The following PWWP2B variants were observed in gnomAD, a reference collection of about 807,000 sequenced individuals.
The protein encoded by PWWP2B is PWWP domain containing 2B.
In PWWP2B, 9 loss-of-function variants were observed where a neutral mutation model predicts 15.5. That is an observed-to-expected ratio of 0.58 (90% CI 0.35 to 1.02). The LOEUF is 1.02. PWWP2B is among the 50% of genes least tolerant of loss of function. The probability of loss-of-function intolerance (pLI) is 0.02; values close to 1 mark genes in which losing one functional copy is unlikely to be tolerated. For missense variants in PWWP2B, 864 were observed against 865.3 expected, an observed-to-expected ratio of 1.00 and a Z score of 0.02; for synonymous variants, 474 against 403.6, an observed-to-expected ratio of 1.17 and a Z score of -2.09.
In PWWP2B at chr10:132,414,104, C is replaced by T. The variant is rs147209858; in HGVS notation, c.*17-2957C>T. On this transcript the variant is annotated intron_variant, in intron 2 of 2. Coordinates refer to ENST00000305233, the MANE Select transcript of PWWP2B (RefSeq NM_138499.4). ...AGAAAGGTAGGAGAGACGTGAGGAG[C>T]GGCCAGTGCTGCTCCAGCCTTGGAG... 7.4e-4 allele frequency among the ~76,000 whole-genome samples: 112 copies of T among 152,316 alleles called. 1 individual carries two copies. Among genetic ancestry groups the T allele is most frequent in the African/African-American group, 2.5e-3 (104 of 41,574 alleles).
At chr10:132,404,034 A>C (rs12778972) in intron 1 of PWWP2B, among the ~76,000 whole-genome samples, 2 of 58,636 alleles carry the variant, frequency 3.4e-5, no homozygotes, top group Non-Finnish European at 6.9e-5. Context: ...GGCATTCTCC[A>C]GGGCTCCTGC....
rs371896061 is a variant in PWWP2B at position 132,403,951 on chromosome 10, C to T, written c.126-675C>T. Among the ~76,000 whole-genome samples the T allele has an allele frequency of 1.6e-3, 240 of 151,308 alleles. 2 individuals carry two copies. Among genetic ancestry groups the T allele is most frequent in the African/African-American group, 5.6e-3 (230 of 41,256 alleles). On this transcript the variant is annotated intron_variant, in intron 1 of 2. Transcript: ENST00000305233. ...GCTCAGCCCCGGGCCACGCGCAGCC[C>T]CACCCCAGACACACGTCATGCACCT...
intron 2 of PWWP2B, among the ~76,000 whole-genome samples, chr10:132,415,754 A>C (rs1360963319): frequency 6.6e-6 from 1 of 151,522 alleles, no homozygotes; most frequent in Non-Finnish European, 1.5e-5. Flanking sequence ...CACACACACA[A>C]TGTTTGGCTA....
At chr10:132,406,400 C>A in intron 2 of PWWP2B, 111 bp downstream of exon 2, 1 of 956,092 alleles carries the variant, frequency 1.0e-6, no homozygotes, top group East Asian at 2.7e-5. Context: ...CGCCTGTGCC[C>A]CTCAGCTGGC....
chr10:132,402,972 G>A (rs1390185960), intron 1 of PWWP2B, among the ~76,000 whole-genome samples: 1 of 152,242 alleles, frequency 6.6e-6, no homozygotes, highest in Non-Finnish European at 1.5e-5. Context: ...GCACCTGGCT[G>A]GGACTGGTGA....
intron 2 of PWWP2B, among the ~76,000 whole-genome samples, chr10:132,415,383 ACT>A (rs369275977): frequency 0.014 from 1,976 of 145,114 alleles, 55 homozygotes; most frequent in African/African-American, 0.049. Flanking sequence ...CGTCACTCAC[ACT>A]CATTTACTCA....
chr10:132,415,664 C>T (rs1450849423), intron 2 of PWWP2B, among the ~76,000 whole-genome samples: 1 of 147,398 alleles, frequency 6.8e-6, no homozygotes, highest in South Asian at 2.1e-4. Flanking sequence ...CATGCACTCA[C>T]ACACTCACAC....
At chr10:132,414,298 T>C (rs2069817149) in intron 2 of PWWP2B, among the ~76,000 whole-genome samples, 1 of 152,236 alleles carries the variant, frequency 6.6e-6, no homozygotes. Context: ...ATGCTGTTGT[T>C]GATGGAGAAG....
At chr10:132,399,686 C>T (rs934821710) in intron 1 of PWWP2B, among the ~76,000 whole-genome samples, 2 of 152,240 alleles carry the variant, frequency 1.3e-5, no homozygotes, top group Non-Finnish European at 1.5e-5. Context: ...CAGTGATCTT[C>T]CCCCAGTCTG....
At chr10:132,402,550 C>T (rs1339826600) in intron 1 of PWWP2B, among the ~76,000 whole-genome samples, 2 of 152,258 alleles carry the variant, frequency 1.3e-5, no homozygotes, top group African/African-American at 4.8e-5. Context: ...TGCACATGGA[C>T]GTGCTTCTGT....
rs559741101 is a variant in PWWP2B, at chr10:132,412,408, G to A, written c.*17-4653G>A. The stretch of plus-strand genomic sequence containing the variant: ...ACAGGGCATGTGCCCCATGTCAGAG[G>A]ATTGGGAGTGGAGGGTGGGACTTCC... On this transcript the variant is annotated intron_variant, in intron 2 of 2. Coordinates refer to ENST00000305233, the MANE Select transcript of PWWP2B (RefSeq NM_138499.4). Among the ~76,000 whole-genome samples, 17 of 152,348 alleles carry A rather than the reference G, an allele frequency of 1.1e-4. No homozygotes were observed. The East Asian group carries it at 3.3e-3, about 29-fold the overall frequency.
chr10:132,413,357 C>T (rs1023585163), intron 2 of PWWP2B, among the ~76,000 whole-genome samples: 8 of 152,016 alleles, frequency 5.3e-5, no homozygotes, highest in African/African-American at 1.9e-4. Context: ...AAGAAAAGGA[C>T]CCTAGCACCT....
chr10:132,408,343 G>C (rs758749093), intron 2 of PWWP2B, among the ~76,000 whole-genome samples: 55 of 152,364 alleles, frequency 3.6e-4, no homozygotes, highest in Non-Finnish European at 6.9e-4. Flanking sequence ...GCTTTGAAGT[G>C]TCAGCAGCGC....
intron 2 of PWWP2B, among the ~76,000 whole-genome samples, chr10:132,411,476 C>T (rs559294892): frequency 3.9e-5 from 6 of 152,346 alleles, no homozygotes; most frequent in South Asian, 2.1e-4. Context: ...AGGGTCCACC[C>T]GAGCCTCATG....
Position 132,405,408 on chromosome 10 carries a change from A to G in PWWP2B, c.908A>G (p.Asp303Gly). The G allele has an allele frequency of 6.2e-7, 1 of 1,610,934 alleles. No homozygotes were observed. The highest frequency in any genetic ancestry group is 1.7e-4 in the Middle Eastern group (1 of 6,044). The change falls in exon 2 of 3, where the codon GAC becomes GGC. Residue 303 changes from aspartate to glycine, a missense_variant. By Grantham distance (94) the Asp-to-Gly change is moderately conservative. Around this residue, in one of 2 missense-constraint regions of PWWP2B, gnomAD observed 736 missense variants for 687.7 expected, o/e 1.07. Transcript: ENST00000305233. The part of the protein sequence containing the change: ...DPEVLDRESR[D>G]RPSCAPSASI... ...GAGGTGCTGGACAGAGAGTCCCGGG[A>G]CCGGCCGTCCTGCGCGCCCTCGGCC...
At chr10:132,398,545 T>C (rs942068124) in intron 1 of PWWP2B, among the ~76,000 whole-genome samples, 9 of 152,200 alleles carry the variant, frequency 5.9e-5, no homozygotes, top group Admixed American at 5.9e-4. Context: ...TGGCCTTTCC[T>C]CCCTGAAGAG....
intron 1 of PWWP2B, among the ~76,000 whole-genome samples, chr10:132,397,754 G>A (rs2069557511): frequency 6.6e-6 from 1 of 152,258 alleles, no homozygotes; most frequent in African/African-American, 2.4e-5. Flanking sequence ...CCTCACAGGT[G>A]GGGGTGCCCT....
chr10:132,405,103 C>T lies in PWWP2B; in HGVS notation c.603C>T (p.Arg201=), dbSNP rs1339533568. ...GACCCCCAGCCGCGCCCAGGGCCCG[C>T]AGGAGGCTGGGCAGCGGCCCGGACA... ...SPGPPAAPRA[R]RRLGSGPDRE... The change falls in exon 2 of 3, where the codon CGC becomes CGT. Residue 201 remains arginine (R), a synonymous_variant. Coordinates refer to ENST00000305233, the MANE Select transcript of PWWP2B (RefSeq NM_138499.4). 4 of 1,538,270 alleles carry T rather than the reference C, an allele frequency of 2.6e-6. No individual in the cohort carries two copies. The highest frequency in any genetic ancestry group is 3.5e-6 in the Non-Finnish European group (4 of 1,142,208).
rs57920243 is a variant in PWWP2B, at chr10:132,413,173, C to G, written c.*17-3888C>G. On this transcript the variant is annotated intron_variant, in intron 2 of 2. Coordinates refer to ENST00000305233, the MANE Select transcript of PWWP2B (RefSeq NM_138499.4). ...TAGGATTCACTTTTGTGTCTGATGC[C>G]GGAAATCTTGACGTTTAATGTTAAC... Among the ~76,000 whole-genome samples, 1,141 of 152,156 alleles carry G rather than the reference C, an allele frequency of 7.5e-3. 14 individuals are homozygous for G. The highest frequency in any genetic ancestry group is 0.026 in the African/African-American group (1,085 of 41,478).
Sources: gnomAD v4.1 joint callset for allele counts (sites outside exome capture counted in the v4.1 genomes callset) on GRCh38, gnomAD v4.1.1 for gene constraint, gnomAD v4.1.1 regional missense constraint, MANE v1.5 for transcripts, NCBI Gene and HGNC (gene_info 2026-07-23, HGNC 2026-07-21) for gene names.